SGCZ: variants seen among roughly 807,000 people sequenced by gnomAD.
The protein encoded by SGCZ is sarcoglycan zeta.
In SGCZ, 40 loss-of-function variants were observed where a neutral mutation model predicts 41.3. The ratio of observed to expected loss-of-function variants is 0.97; its 90% CI spans 0.75 to 1.26. The LOEUF is 1.26. SGCZ is among the 50% of genes most tolerant of loss of function. The probability of loss-of-function intolerance (pLI) is 0.00; values close to 1 mark genes in which losing one functional copy is unlikely to be tolerated. For synonymous variants in SGCZ, 206 were observed against 137.5 expected (o/e 1.50, Z -3.49); for missense variants, 552 against 369.8 (o/e 1.49, Z -4.04).
chr8:14,585,925 C>T (rs1380253881), intron 1 of SGCZ, among the ~76,000 whole-genome samples: 1 of 151,922 alleles, frequency 6.6e-6, no homozygotes, highest in East Asian at 1.9e-4. Flanking sequence ...GCTTTTATTT[C>T]AATTTTTTAA....
chr8:14,309,189 C>G (rs764744305), intron 3 of SGCZ: 80 of 1,483,042 alleles, frequency 5.4e-5, no homozygotes, highest in Admixed American at 1.7e-4. Context: ...ACTTGGCAAG[C>G]AAACCTGCTG....
chr8:14,900,602 C>A (rs985185919), intron 1 of SGCZ, among the ~76,000 whole-genome samples: 1 of 152,174 alleles, frequency 6.6e-6, no homozygotes, highest in African/African-American at 2.4e-5. Context: ...TCTGTTGAAT[C>A]ATCAATACCG....
intron 1 of SGCZ, among the ~76,000 whole-genome samples, chr8:14,908,962 C>T (rs1799201926): frequency 6.6e-6 from 1 of 152,030 alleles, no homozygotes; most frequent in Non-Finnish European, 1.5e-5. Flanking sequence ...ATAATTATGC[C>T]TATGTATTTT....
At chr8:14,160,018 G>C (rs1372011559) in intron 5 of SGCZ, among the ~76,000 whole-genome samples, 2 of 152,166 alleles carry the variant, frequency 1.3e-5, no homozygotes, top group African/African-American at 4.8e-5. Context: ...AGGACTGATA[G>C]TCTTGGCTTT....
chr8:14,368,849 A>G (rs962918057), intron 2 of SGCZ, among the ~76,000 whole-genome samples: 4 of 151,672 alleles, frequency 2.6e-5, no homozygotes, highest in African/African-American at 9.7e-5. Flanking sequence ...AAAGTTACAT[A>G]TACTTGTTGC....
chr8:15,022,223 T>A (rs943751709), intron 1 of SGCZ, among the ~76,000 whole-genome samples: 1 of 152,214 alleles, frequency 6.6e-6, no homozygotes, highest in African/African-American at 2.4e-5. Flanking sequence ...ACACATGTAA[T>A]AAAAAATTCA....
chr8:14,329,062 GT>G (rs71541661), intron 2 of SGCZ, among the ~76,000 whole-genome samples: 7 of 151,100 alleles, frequency 4.6e-5, no homozygotes, highest in African/African-American at 9.7e-5. Context: ...TATTTTCTGC[GT>G]TTTTTTTTCT....
intron 3 of SGCZ, among the ~76,000 whole-genome samples, chr8:14,248,922 T>C (rs1038303495): frequency 6.6e-6 from 1 of 152,192 alleles, no homozygotes; most frequent in Non-Finnish European, 1.5e-5. Flanking sequence ...TATGTTTCTA[T>C]AATTACAAAT....
chr8:14,458,683 CTCTA>C (rs922806731), intron 2 of SGCZ, among the ~76,000 whole-genome samples: 1 of 152,044 alleles, frequency 6.6e-6, no homozygotes, highest in African/African-American at 2.4e-5. Context: ...GGAGTAGTAT[CTCTA>C]TCTATCTATC....
At chr8:15,123,017 CA>C (rs1807544858) in intron 1 of SGCZ, among the ~76,000 whole-genome samples, 1 of 152,132 alleles carries the variant, frequency 6.6e-6, no homozygotes, top group Non-Finnish European at 1.5e-5. Context: ...ATGTTACCAA[CA>C]AAACTTACTT....
At chr8:14,191,033 G>A (rs1023658174) in intron 4 of SGCZ, among the ~76,000 whole-genome samples, 10 of 152,038 alleles carry the variant, frequency 6.6e-5, no homozygotes, top group African/African-American at 1.7e-4. Context: ...TTTGATATTA[G>A]CCATCCTGAC....
intron 1 of SGCZ, among the ~76,000 whole-genome samples, chr8:15,217,192 C>T (rs1198302674): frequency 2.6e-5 from 4 of 151,748 alleles, no homozygotes; most frequent in Admixed American, 6.6e-5. Flanking sequence ...CCGAGGCGGG[C>T]GGATCACGAG....
At chr8:14,355,885 C>T (rs1333596344) in intron 2 of SGCZ, among the ~76,000 whole-genome samples, 1 of 152,150 alleles carries the variant, frequency 6.6e-6, no homozygotes, top group African/African-American at 2.4e-5. Flanking sequence ...TGTGAGTTAT[C>T]TAGATAATTG....
chr8:14,822,301 T>C (rs1802127376), intron 1 of SGCZ, among the ~76,000 whole-genome samples: 1 of 152,102 alleles, frequency 6.6e-6, no homozygotes, highest in Admixed American at 6.6e-5. Flanking sequence ...GATGTGTACA[T>C]TGAAAACTGT....
At chr8:14,340,930 C>A (rs1392535522) in intron 2 of SGCZ, among the ~76,000 whole-genome samples, 1 of 152,070 alleles carries the variant, frequency 6.6e-6, no homozygotes, top group Non-Finnish European at 1.5e-5. Context: ...ACCCATTAAA[C>A]AACAACTCCT....
intron 2 of SGCZ, among the ~76,000 whole-genome samples, chr8:14,355,478 G>C (rs1006465465): frequency 1.3e-5 from 2 of 151,902 alleles, no homozygotes; most frequent in Non-Finnish European, 2.9e-5. Flanking sequence ...AAGACTTTTT[G>C]AATCTCTAGA....
intron 1 of SGCZ, among the ~76,000 whole-genome samples, chr8:14,773,658 G>A (rs1291940485): frequency 6.6e-6 from 1 of 152,116 alleles, no homozygotes; most frequent in Non-Finnish European, 1.5e-5. Flanking sequence ...TGCCAACACT[G>A]CAATGCATTC....
chr8:14,960,943 AC>A (rs1800944641), intron 1 of SGCZ, among the ~76,000 whole-genome samples: 3 of 146,978 alleles, frequency 2.0e-5, no homozygotes, highest in African/African-American at 7.7e-5. Context: ...ACACACACAC[AC>A]ACACACACAC....
chr8:14,227,247 T>G (rs1055552349), intron 4 of SGCZ, among the ~76,000 whole-genome samples: 1 of 152,064 alleles, frequency 6.6e-6, no homozygotes, highest in Admixed American at 6.6e-5. Flanking sequence ...AAAAAAAATG[T>G]AAGAATGCAA....
Sources: gnomAD v4.1 joint callset for allele counts (sites outside exome capture counted in the v4.1 genomes callset) on GRCh38, gnomAD v4.1.1 for gene constraint, MANE v1.5 for transcripts, NCBI Gene and HGNC (gene_info 2026-07-23, HGNC 2026-07-21) for gene names.